Variants in UBE2W observed in about 807,000 individuals in gnomAD.
UBE2W encodes the protein ubiquitin-conjugating enzyme E2 W.
Under a neutral mutation model 27.2 loss-of-function variants are expected in UBE2W, and 18 were observed. That is an observed-to-expected ratio of 0.66 (90% CI 0.46 to 0.98). The LOEUF is 0.98. Ranked by LOEUF, UBE2W falls within the 50% of genes least tolerant of loss-of-function variation. The pLI, the probability that UBE2W is intolerant of heterozygous loss-of-function variation, is 0.00. For missense variants in UBE2W, 90 were observed against 180.2 expected (o/e 0.50, Z 2.87); for synonymous variants, 53 against 57.2 (o/e 0.93, Z 0.33).
At chr8:73,872,565 T>G (rs1047274528) in intron 1 of UBE2W, among the ~76,000 whole-genome samples, 1 of 152,232 alleles carries the variant, frequency 6.6e-6, no homozygotes, top group Non-Finnish European at 1.5e-5. Flanking sequence ...ATGTACTTAT[T>G]TGGAAAGTGA....
intron 5 of UBE2W, 128 bp from the exon 6 acceptor site, chr8:73,794,243 C>A (rs1159545229): frequency 8.7e-7 from 1 of 1,143,156 alleles, no homozygotes; most frequent in Non-Finnish European, 1.2e-6. Flanking sequence ...GATCTGCCTC[C>A]CCCAAACCTG....
intron 1 of UBE2W, among the ~76,000 whole-genome samples, chr8:73,855,394 CTTTTTT>C (rs66577299): frequency 3.3e-4 from 28 of 84,708 alleles, no homozygotes; most frequent in African/African-American, 1.2e-3. Flanking sequence ...ATTCTACTTT[CTTTTTT>C]TTTTTTTTTT....
intron 1 of UBE2W, among the ~76,000 whole-genome samples, chr8:73,857,630 A>T (rs991678021): frequency 1.3e-5 from 2 of 152,012 alleles, no homozygotes; most frequent in Admixed American, 6.6e-5. Context: ...AGCCTGGCCA[A>T]TATAGTGAAA....
chr8:73,871,647 CACTTTAAT>C (rs973109802), intron 1 of UBE2W, among the ~76,000 whole-genome samples: 73 of 152,244 alleles, frequency 4.8e-4, no homozygotes, highest in Admixed American at 1.2e-3. Context: ...CAAATGAGGA[CACTTTAAT>C]ACCTGACAAA....
chr8:73,834,736 T>A (rs1810235227), intron 1 of UBE2W, among the ~76,000 whole-genome samples: 1 of 151,992 alleles, frequency 6.6e-6, no homozygotes, highest in African/African-American at 2.4e-5. Flanking sequence ...TGGCGAAACC[T>A]CGTCTCTACT....
intron 1 of UBE2W, among the ~76,000 whole-genome samples, chr8:73,862,471 A>C (rs1270971859): frequency 2.0e-5 from 3 of 152,010 alleles, no homozygotes; most frequent in Non-Finnish European, 4.4e-5. Context: ...AACCATAAAA[A>C]CCCTGGAAGA....
chr8:73,802,213 G>A (rs912057619), intron 5 of UBE2W, among the ~76,000 whole-genome samples: 4 of 152,130 alleles, frequency 2.6e-5, no homozygotes, highest in African/African-American at 9.7e-5. Flanking sequence ...ACACTAACTT[G>A]CTACATACCG....
intron 1 of UBE2W, among the ~76,000 whole-genome samples, chr8:73,873,955 GT>G (rs1413187759): frequency 6.6e-6 from 1 of 152,128 alleles, no homozygotes; most frequent in Non-Finnish European, 1.5e-5. Context: ...GTAACAGGAG[GT>G]TTTATCTAAA....
chr8:73,822,312 C>T (rs1446758068), intron 3 of UBE2W, among the ~76,000 whole-genome samples: 2 of 152,078 alleles, frequency 1.3e-5, no homozygotes, highest in East Asian at 1.9e-4. Context: ...CCTAGGCCGA[C>T]AAAGAATCCC....
At chr8:73,842,798 T>C (rs772669077) in intron 1 of UBE2W, among the ~76,000 whole-genome samples, 6 of 152,158 alleles carry the variant, frequency 3.9e-5, no homozygotes, top group Admixed American at 3.9e-4. Context: ...TTTGGCTGTT[T>C]TACAAAAATG....
intron 4 of UBE2W, among the ~76,000 whole-genome samples, chr8:73,808,229 A>G (rs934565961): frequency 6.6e-6 from 1 of 151,900 alleles, no homozygotes; most frequent in Non-Finnish European, 1.5e-5. Flanking sequence ...ATGGGTATTT[A>G]AAATACTTTT....
intron 1 of UBE2W, among the ~76,000 whole-genome samples, chr8:73,857,846 T>TA (rs1214450318): frequency 2.0e-5 from 3 of 151,590 alleles, no homozygotes; most frequent in Non-Finnish European, 4.4e-5. Context: ...AAAATAAAAA[T>TA]AAAAAAACCT....
In UBE2W at chr8:73,793,570, G is replaced by A; in HGVS notation, c.*532C>T. On this transcript the variant is annotated 3_prime_UTR_variant, in exon 6 of 6. Transcript: ENST00000602593. ...TGTTAATTCATGCTGTTAACCTTAG[G>A]ATCACAGTGCATAGAATCCAAATAT... is the stretch of plus-strand genomic sequence containing the variant. The A allele has an allele frequency of 1.0e-6, 1 of 985,854 alleles. No homozygotes were observed. Among genetic ancestry groups the A allele is most frequent in the Non-Finnish European group, 1.2e-6 (1 of 829,982 alleles). The allele number at this position is 985,854 out of a possible 1,614,324, so 61.1% of individuals were successfully genotyped here.
intron 1 of UBE2W, among the ~76,000 whole-genome samples, chr8:73,858,979 CGTGTGT>C (rs59095956): frequency 0.1 from 12,854 of 125,888 alleles, 662 homozygotes; most frequent in Admixed American, 0.17. Flanking sequence ...GGGGTTTTTG[CGTGTGT>C]GTGTGTGTGT....
chr8:73,795,762 G>A, intron 5 of UBE2W: 3 of 982,098 alleles, frequency 3.1e-6, no homozygotes, highest in Non-Finnish European at 3.6e-6. Flanking sequence ...AAGAAAACAA[G>A]TAGTTTATAT....
chr8:73,803,184 C>G (rs1330777059), intron 5 of UBE2W, among the ~76,000 whole-genome samples: 1 of 152,106 alleles, frequency 6.6e-6, no homozygotes, highest in Non-Finnish European at 1.5e-5. Flanking sequence ...CCACTGCACT[C>G]CAGCCTGGGC....
intron 1 of UBE2W, among the ~76,000 whole-genome samples, chr8:73,856,329 A>C (rs1409581108): frequency 3.3e-5 from 5 of 151,208 alleles, no homozygotes; most frequent in Non-Finnish European, 5.9e-5. Flanking sequence ...CACCCACTTA[A>C]ACATAGACAA....
intron 1 of UBE2W, among the ~76,000 whole-genome samples, chr8:73,842,528 C>CAAAAAAA (rs759063478): frequency 0.014 from 132 of 9,674 alleles, 34 homozygotes; most frequent in African/African-American, 0.036. Flanking sequence ...GACTCCGTCT[C>CAAAAAAA]AAAAAAAAAA....
intron 1 of UBE2W, among the ~76,000 whole-genome samples, chr8:73,868,603 C>T (rs1414185706): frequency 6.6e-6 from 1 of 151,496 alleles, no homozygotes; most frequent in Admixed American, 6.6e-5. Flanking sequence ...TGACTGGTGT[C>T]TAAAGTGGGG....
Sources: allele counts gnomAD v4.1 joint callset (sites outside exome capture counted in the v4.1 genomes callset), GRCh38; gene constraint gnomAD v4.1.1; transcripts MANE v1.5; gene names NCBI Gene and HGNC (gene_info 2026-07-23, HGNC 2026-07-21).